The following ZBTB7C variants were observed in gnomAD, a reference collection of about 807,000 sequenced individuals.
ZBTB7C encodes zinc finger and BTB domain-containing protein 7C.
In ZBTB7C, 8 loss-of-function variants were observed where a neutral mutation model predicts 25.7. That is an observed-to-expected ratio of 0.31 (90% confidence interval 0.18 to 0.56). The LOEUF is 0.56. Ranked by LOEUF, ZBTB7C falls within the 20% of genes least tolerant of loss-of-function variation. The pLI is 0.91. For missense variants in ZBTB7C, 824 were observed against 855.2 expected, an observed-to-expected ratio of 0.96 and a Z score of 0.46; for synonymous variants, 394 against 369.0, an observed-to-expected ratio of 1.07 and a Z score of -0.78.
At chr18:48,389,340 G>T in intron 1 of ZBTB7C, among the ~76,000 whole-genome samples, 1 of 141,968 alleles carries the variant, frequency 7.0e-6, no homozygotes. Context: ...GGAGAACAGG[G>T]TGAAGGCAGA....
chr18:48,137,317 T>A lies in ZBTB7C; in HGVS notation c.-17+48617A>T, dbSNP rs372771863. ...ACTTTATGACACCAAATTAAGATCT[T>A]TGGAAAAGGTAAAGCAGAAATAAAG... is the stretch of plus-strand genomic sequence containing the variant. On this transcript the variant is annotated intron_variant, in intron 3 of 4. Transcript: ENST00000590800. 27 of 985,348 alleles carry A rather than the reference T, an allele frequency of 2.7e-5. No individual in the cohort carries two copies. In the African/African-American group the frequency reaches 4.4e-4, roughly 16 times the overall value. 61.0% of individuals were successfully genotyped at this position (985,348 alleles called of 1,614,324 possible). A position where few individuals can be genotyped will look rare whatever the true frequency, so the allele number is the denominator to read the frequency against.
At chr18:48,310,763 G>A (rs1043594019) in intron 2 of ZBTB7C, among the ~76,000 whole-genome samples, 1 of 152,216 alleles carries the variant, frequency 6.6e-6, no homozygotes, top group South Asian at 2.1e-4. Context: ...CTGCTCTGGG[G>A]AGTCTGAGAT....
At chr18:48,067,266 A>C (rs2037367432) in intron 3 of ZBTB7C, among the ~76,000 whole-genome samples, 1 of 152,230 alleles carries the variant, frequency 6.6e-6, no homozygotes, top group Non-Finnish European at 1.5e-5. Flanking sequence ...TCATAGTTTT[A>C]TAATCTATGA....
At chr18:48,141,140 C>T (rs796588558) in intron 3 of ZBTB7C, among the ~76,000 whole-genome samples, 2,871 of 51,924 alleles carry the variant, frequency 0.055, 152 homozygotes, top group African/African-American at 0.18. Flanking sequence ...GCATCCCCCC[C>T]GCACCACCCC....
intron 1 of ZBTB7C, among the ~76,000 whole-genome samples, chr18:48,389,059 C>A (rs1480926385): frequency 6.6e-6 from 1 of 152,190 alleles, no homozygotes; most frequent in East Asian, 1.9e-4. Context: ...TCTGAGTCAT[C>A]ACACTTTCTA....
chr18:48,324,017 C>G (rs2046158944), intron 2 of ZBTB7C, among the ~76,000 whole-genome samples: 1 of 152,126 alleles, frequency 6.6e-6, no homozygotes, highest in African/African-American at 2.4e-5. Flanking sequence ...TGCCTTGACC[C>G]TTCCACCATG....
chr18:48,296,618 C>A (rs927016426), intron 2 of ZBTB7C, among the ~76,000 whole-genome samples: 1 of 152,236 alleles, frequency 6.6e-6, no homozygotes, highest in African/African-American at 2.4e-5. Context: ...TCCCACAGCA[C>A]GTTCCCGAGT....
In ZBTB7C at chr18:48,275,149, T is replaced by C. The variant is rs550244828; in HGVS notation, c.-79+63025A>G. 3.3e-5 allele frequency among the ~76,000 whole-genome samples: 5 copies of C among 152,376 alleles called. No homozygotes were observed. In the South Asian group the frequency reaches 1.0e-3, roughly 32 times the overall value. On this transcript the variant is annotated intron_variant, in intron 2 of 4. Coordinates refer to ENST00000590800, the MANE Select transcript of ZBTB7C (RefSeq NM_001318841.2). ...TCACTAGCAATGGAAAATTAATTGA[T>C]GAATTACTTGATACCAAACTCGGCT...
intron 2 of ZBTB7C, among the ~76,000 whole-genome samples, chr18:48,303,825 C>G (rs1206208147): frequency 6.6e-6 from 1 of 152,170 alleles, no homozygotes; most frequent in Admixed American, 6.5e-5. Flanking sequence ...CAAGGTGAAA[C>G]CAAAAATAAA....
intron 3 of ZBTB7C, among the ~76,000 whole-genome samples, chr18:48,083,172 T>C (rs2038055281): frequency 6.6e-6 from 1 of 152,162 alleles, no homozygotes; most frequent in East Asian, 1.9e-4. Context: ...ATTCTATTCT[T>C]CTTTTCTTTT....
intron 3 of ZBTB7C, among the ~76,000 whole-genome samples, chr18:48,060,084 G>A (rs1282367409): frequency 6.6e-6 from 1 of 152,028 alleles, no homozygotes; most frequent in Admixed American, 6.6e-5. Flanking sequence ...GTGGGTGGAG[G>A]TGACCAAAGA....
intron 3 of ZBTB7C, among the ~76,000 whole-genome samples, chr18:48,177,971 G>GT (rs1555708240): frequency 1.3e-5 from 2 of 151,806 alleles, no homozygotes; most frequent in Non-Finnish European, 2.9e-5. Context: ...TGGTAAGGTG[G>GT]CCCCTCCACC....
intron 3 of ZBTB7C, among the ~76,000 whole-genome samples, chr18:48,071,034 A>C (rs2037521308): frequency 6.6e-6 from 1 of 152,234 alleles, no homozygotes; most frequent in Non-Finnish European, 1.5e-5. Context: ...AGCATGTCAT[A>C]CTGCTTTTCA....
intron 1 of ZBTB7C, among the ~76,000 whole-genome samples, chr18:48,381,634 G>A (rs775804491): frequency 5.1e-4 from 77 of 152,300 alleles, no homozygotes; most frequent in Non-Finnish European, 1.0e-3. Flanking sequence ...GGATGAGGGA[G>A]GTAATGGGCC....
chr18:48,060,883 C>T (rs549482701), intron 3 of ZBTB7C, among the ~76,000 whole-genome samples: 46 of 152,130 alleles, frequency 3.0e-4, no homozygotes, highest in African/African-American at 1.1e-3. Flanking sequence ...GGGTGAGTGT[C>T]GGGGGATCAG....
intron 2 of ZBTB7C, among the ~76,000 whole-genome samples, chr18:48,285,612 A>C (rs901929685): frequency 6.6e-6 from 1 of 152,196 alleles, no homozygotes; most frequent in Non-Finnish European, 1.5e-5. Flanking sequence ...TCGTCCTCTC[A>C]AAGTGCTGGG....
At chr18:48,365,448 C>T (rs2047200770) in intron 1 of ZBTB7C, among the ~76,000 whole-genome samples, 1 of 152,196 alleles carries the variant, frequency 6.6e-6, no homozygotes, top group Non-Finnish European at 1.5e-5. Context: ...TTATATAAGA[C>T]TCTGTCTGGC....
At chr18:48,230,108 A>T (rs1362229541) in intron 2 of ZBTB7C, among the ~76,000 whole-genome samples, 1 of 152,248 alleles carries the variant, frequency 6.6e-6, no homozygotes, top group Non-Finnish European at 1.5e-5. Context: ...AATTAAAATC[A>T]TTAATGTTTC....
chr18:48,335,736 A>G (rs1274173878), intron 2 of ZBTB7C, among the ~76,000 whole-genome samples: 2 of 152,224 alleles, frequency 1.3e-5, no homozygotes, highest in Non-Finnish European at 2.9e-5. Flanking sequence ...ACAAGTACAG[A>G]ATACACTGTA....
Sources: gnomAD v4.1 joint callset for allele counts (sites outside exome capture counted in the v4.1 genomes callset) on GRCh38, gnomAD v4.1.1 for gene constraint, MANE v1.5 for transcripts, NCBI Gene and HGNC (gene_info 2026-07-23, HGNC 2026-07-21) for gene names.